The following CNTN5 variants were observed in gnomAD, a reference collection of about 807,000 sequenced individuals.
The protein encoded by CNTN5 is contactin 5.
CNTN5 carries 77 observed loss-of-function variants against 129.1 expected under a neutral mutation model. That is an observed-to-expected ratio of 0.60 (90% confidence interval 0.50 to 0.72). CNTN5 has a LOEUF of 0.72. Among genes scored for constraint, CNTN5 ranks in the 30% least tolerant of loss-of-function variants. The pLI is 0.00. For missense variants in CNTN5, 1,478 were observed against 1,328.8 expected (o/e 1.11, Z -1.75); for synonymous variants, 509 against 465.6 (o/e 1.09, Z -1.20).
chr11:99,433,807 A>G (rs925357943), intron 2 of CNTN5, among the ~76,000 whole-genome samples: 13 of 152,160 alleles, frequency 8.5e-5, no homozygotes, highest in African/African-American at 2.9e-4. Context: ...ATCTCTTGAA[A>G]GTTTTTTAAA....
At chr11:99,693,333 TTCTG>T (rs1954119911) in intron 3 of CNTN5, among the ~76,000 whole-genome samples, 1 of 152,098 alleles carries the variant, frequency 6.6e-6, no homozygotes, top group Non-Finnish European at 1.5e-5. Context: ...AAAAATTCCT[TTCTG>T]TATGGAGCTT....
intron 4 of CNTN5, among the ~76,000 whole-genome samples, chr11:99,840,257 A>T (rs773506751): frequency 7.9e-5 from 12 of 152,150 alleles, no homozygotes; most frequent in Non-Finnish European, 1.5e-4. Flanking sequence ...TGATAAAGAA[A>T]GAATACATAC....
At chr11:99,775,340 GATGCA>G (rs1945086966) in intron 3 of CNTN5, among the ~76,000 whole-genome samples, 2 of 132,560 alleles carry the variant, frequency 1.5e-5, no homozygotes, top group Non-Finnish European at 3.3e-5. Context: ...AAACCTCTGA[GATGCA>G]GATTTCCTGG....
intron 1 of CNTN5, among the ~76,000 whole-genome samples, chr11:99,027,489 G>T (rs1413355903): frequency 6.6e-6 from 1 of 151,544 alleles, no homozygotes; most frequent in African/African-American, 2.4e-5. Context: ...ATGTCAACTT[G>T]TATATAAATT....
rs115971568 is a variant in CNTN5, at chr11:99,652,007, A to G, written c.55+95738A>G. Among the ~76,000 whole-genome samples, 530 of 152,218 alleles carry G rather than the reference A, an allele frequency of 3.5e-3. 6 individuals carry two copies. The highest frequency in any genetic ancestry group is 0.012 in the African/African-American group (511 of 41,560). On this transcript the variant is annotated intron_variant, in intron 3 of 24. Coordinates refer to ENST00000524871, the MANE Select transcript of CNTN5 (RefSeq NM_014361.4). ...TTGGCAGCACAAACACCACAAATGC[A>G]TTATCTCAAAGTTTCTGTGGTTCAG...
chr11:99,358,538 C>T (rs971513823), intron 2 of CNTN5, among the ~76,000 whole-genome samples: 3 of 150,836 alleles, frequency 2.0e-5, no homozygotes, highest in Non-Finnish European at 4.4e-5. Flanking sequence ...TCCAGCCTGG[C>T]GACAGAGCAA....
rs2135200960 is a variant in CNTN5 at position 99,748,376 on chromosome 11, C to G, written c.56-71168C>G. 2.0e-5 allele frequency among the ~76,000 whole-genome samples: 3 copies of G among 151,890 alleles called. 1 individual carries two copies. The South Asian group carries it at 6.2e-4, about 32-fold the overall frequency. On this transcript the variant is annotated intron_variant, in intron 3 of 24. Coordinates refer to ENST00000524871, the MANE Select transcript of CNTN5 (RefSeq NM_014361.4). ...GTTGGGAAGTTTAAGACTACTGATT[C>G]AATCTTTGTATTAGTCAGTCTCCAG...
At chr11:100,322,368 G>A (rs1465859055) in intron 21 of CNTN5, among the ~76,000 whole-genome samples, 2 of 151,526 alleles carry the variant, frequency 1.3e-5, no homozygotes, top group Non-Finnish European at 3.0e-5. Context: ...GACTACAGGC[G>A]CCCGCCACTA....
chr11:100,024,487 G>C (rs962084800), intron 9 of CNTN5, among the ~76,000 whole-genome samples: 12 of 152,164 alleles, frequency 7.9e-5, no homozygotes, highest in Admixed American at 2.0e-4. Context: ...TTGGAACTGG[G>C]TAACAGGCAG....
intron 14 of CNTN5, among the ~76,000 whole-genome samples, chr11:100,193,008 T>C (rs921107951): frequency 1.3e-5 from 2 of 151,994 alleles, no homozygotes; most frequent in African/African-American, 4.8e-5. Context: ...TTTTTATCTC[T>C]GTTAAGATAG....
chr11:99,521,885 T>C (rs1171196382), intron 2 of CNTN5, among the ~76,000 whole-genome samples: 1 of 152,220 alleles, frequency 6.6e-6, no homozygotes, highest in Non-Finnish European at 1.5e-5. Flanking sequence ...TTATCTGTTA[T>C]CAGGAAGAAG....
intron 3 of CNTN5, among the ~76,000 whole-genome samples, chr11:99,624,645 C>A (rs1285766836): frequency 6.6e-6 from 1 of 152,082 alleles, no homozygotes; most frequent in Non-Finnish European, 1.5e-5. Context: ...CAATAGATAG[C>A]TGTAACATTC....
At chr11:100,128,577 G>A (rs1338115390) in intron 13 of CNTN5, among the ~76,000 whole-genome samples, 1 of 152,048 alleles carries the variant, frequency 6.6e-6, no homozygotes, top group African/African-American at 2.4e-5. Context: ...ACCTTTACAA[G>A]CAAAACAGGG....
In CNTN5 at chr11:99,477,916, G is replaced by GA. The variant is rs201901826; in HGVS notation, c.-70-78223dup. 9.8e-3 allele frequency among the ~76,000 whole-genome samples: 1,492 copies of GA among 151,688 alleles called. 25 individuals carry two copies. Among genetic ancestry groups the GA allele is most frequent in the African/African-American group, 0.034 (1,393 of 41,404 alleles). ...CAATATAATTAGTAAGTGAAAAACT[G>GA]AAAAAATCCTGCTGTTGTAGAATCA... is the stretch of plus-strand genomic sequence containing the variant. On this transcript the variant is annotated intron_variant, in intron 2 of 24. Transcript: ENST00000524871.
rs1322346351 is a variant in CNTN5, at chr11:100,356,994, A to C, written c.*774A>C. On this transcript the variant is annotated 3_prime_UTR_variant, in exon 25 of 25. Transcript: ENST00000524871. Reference sequence around the variant, plus strand: ...TAACAAAAGATGGTTTAACATCACCAAAAAATATGATCACTAAAAACTGCA... The same window carrying C: ...TAACAAAAGATGGTTTAACATCACCCAAAAATATGATCACTAAAAACTGCA... 6.6e-6 allele frequency: 1 copy of C among 151,774 alleles called. No homozygotes were observed. Among genetic ancestry groups the C allele is most frequent in the Non-Finnish European group, 1.5e-5 (1 of 67,796 alleles). 9.4% of individuals were successfully genotyped at this position (151,774 alleles called of 1,614,324 possible). A position where few individuals can be genotyped will look rare whatever the true frequency, so the allele number is the denominator to read the frequency against.
intron 3 of CNTN5, among the ~76,000 whole-genome samples, chr11:99,668,118 T>C (rs186090719): frequency 1.3e-5 from 2 of 152,182 alleles, no homozygotes; most frequent in Non-Finnish European, 2.9e-5. Context: ...TCACATAGTA[T>C]ACTTGTCATT....
At chr11:100,276,194 G>T (rs964676768) in intron 18 of CNTN5, among the ~76,000 whole-genome samples, 11 of 152,016 alleles carry the variant, frequency 7.2e-5, no homozygotes, top group Non-Finnish European at 1.5e-5. Context: ...CCAAAAAACA[G>T]AATTTTTCTT....
chr11:99,847,004 T>C (rs111879216), intron 6 of CNTN5, among the ~76,000 whole-genome samples: 58 of 152,188 alleles, frequency 3.8e-4, no homozygotes, highest in African/African-American at 1.4e-3. Flanking sequence ...CCTAATAAAC[T>C]AAATAAATAA....
intron 1 of CNTN5, among the ~76,000 whole-genome samples, chr11:99,107,501 C>T (rs1303628784): frequency 6.6e-6 from 1 of 151,794 alleles, no homozygotes; most frequent in Non-Finnish European, 1.5e-5. Context: ...TTAGTTATTT[C>T]TCTATAGCTA....
Sources: gnomAD v4.1 joint callset for allele counts (sites outside exome capture counted in the v4.1 genomes callset) on GRCh38, gnomAD v4.1.1 for gene constraint, MANE v1.5 for transcripts, NCBI Gene and HGNC (gene_info 2026-07-23, HGNC 2026-07-21) for gene names.